Variants in SYT1 observed in about 807,000 individuals in gnomAD.
The protein encoded by SYT1 is synaptotagmin-1.
SYT1 carries 8 observed loss-of-function variants against 44.8 expected under a neutral mutation model. The ratio of observed to expected loss-of-function variants is 0.18; its 90% confidence interval spans 0.10 to 0.32. The LOEUF (loss-of-function observed/expected upper bound fraction) is 0.32. Among genes scored for constraint, SYT1 ranks in the 10% least tolerant of loss-of-function variants. The pLI is 1.00. For synonymous variants in SYT1, 154 were observed against 188.8 expected (o/e 0.82, Z 1.51); for missense variants, 286 against 509.3 (o/e 0.56, Z 4.22).
At chr12:79,112,756 C>T (rs1879083945) in intron 3 of SYT1, among the ~76,000 whole-genome samples, 1 of 151,924 alleles carries the variant, frequency 6.6e-6, no homozygotes, top group Non-Finnish European at 1.5e-5. Context: ...AAACAAAATG[C>T]TTATTTGGGT....
chr12:78,892,267 C>G (rs75320026), intron 1 of SYT1, among the ~76,000 whole-genome samples: 20 of 151,828 alleles, frequency 1.3e-4, no homozygotes, highest in Non-Finnish European at 2.9e-4. Flanking sequence ...AACATGAAAA[C>G]AACCTACCTA....
intron 4 of SYT1, among the ~76,000 whole-genome samples, chr12:79,283,409 T>TTAG (rs1879148174): frequency 6.6e-6 from 1 of 152,208 alleles, no homozygotes; most frequent in Admixed American, 6.5e-5. Flanking sequence ...TCCTAGCTCT[T>TTAG]TAACTCCCTT....
At chr12:78,911,874 T>C (rs9989048) in intron 1 of SYT1, among the ~76,000 whole-genome samples, 116,575 of 151,884 alleles carry the variant, frequency 0.77, 45,296 homozygotes, top group African/African-American at 0.87. Context: ...AGGCTCCCCA[T>C]TGGGACTACC....
chr12:79,046,606 A>G (rs1801791708), intron 2 of SYT1, among the ~76,000 whole-genome samples: 2 of 152,082 alleles, frequency 1.3e-5, no homozygotes, highest in South Asian at 4.1e-4. Flanking sequence ...CTGAAAGTTT[A>G]TCTTTTTTAT....
intron 1 of SYT1, among the ~76,000 whole-genome samples, chr12:78,885,324 G>GAAGGAAAGAAGT (rs1874677473): frequency 6.9e-6 from 1 of 144,366 alleles, no homozygotes; most frequent in Non-Finnish European, 1.5e-5. Flanking sequence ...AGGGAAGAAG[G>GAAGGAAAGAAGT]AAGGAGGGAA....
At chr12:79,313,030 A>C (rs1880887882) in intron 8 of SYT1, among the ~76,000 whole-genome samples, 2 of 152,270 alleles carry the variant, frequency 1.3e-5, no homozygotes, top group African/African-American at 2.4e-5. Context: ...TGAGGAAGAA[A>C]CTTAATTTTC....
chr12:79,165,433 A>G (rs1401952586), intron 3 of SYT1, among the ~76,000 whole-genome samples: 1 of 151,984 alleles, frequency 6.6e-6, no homozygotes, highest in Admixed American at 6.6e-5. Context: ...TGTTCACTAA[A>G]TGTATTCCAA....
chr12:78,885,315 G>GAGAAGAA (rs1874674339), intron 1 of SYT1, among the ~76,000 whole-genome samples: 1 of 140,154 alleles, frequency 7.1e-6, no homozygotes, highest in Non-Finnish European at 1.5e-5. Context: ...GAGAGAGGGA[G>GAGAAGAA]GGAAGAAGGA....
At chr12:79,290,809 A>T (rs1879545194) in intron 5 of SYT1, among the ~76,000 whole-genome samples, 1 of 152,228 alleles carries the variant, frequency 6.6e-6, no homozygotes, top group Admixed American at 6.5e-5. Context: ...ATCAATAAGA[A>T]AAAGGCAAAC....
intron 2 of SYT1, among the ~76,000 whole-genome samples, chr12:79,043,239 C>T (rs1228878400): frequency 6.7e-6 from 1 of 149,346 alleles, no homozygotes. Context: ...TAAAGTCTCC[C>T]ATTATTAATG....
intron 1 of SYT1, among the ~76,000 whole-genome samples, chr12:78,900,980 A>AT (rs1387787202): frequency 2.0e-5 from 3 of 152,110 alleles, no homozygotes; most frequent in African/African-American, 2.4e-5. Context: ...ACATGAATGC[A>AT]TTTTTCAGTT....
At chr12:79,022,835 A>G (rs959705388) in intron 2 of SYT1, among the ~76,000 whole-genome samples, 2 of 151,758 alleles carry the variant, frequency 1.3e-5, no homozygotes, top group African/African-American at 4.8e-5. Flanking sequence ...TTCTTTACTG[A>G]GTAAAATTGG....
At chr12:79,310,737 C>T (rs866885201) in intron 8 of SYT1, among the ~76,000 whole-genome samples, 63 of 152,042 alleles carry the variant, frequency 4.1e-4, no homozygotes, top group African/African-American at 1.2e-3. Flanking sequence ...TCACGTCCCT[C>T]GTAAGTTGGA....
chr12:79,447,119 A>G (rs565734502), intron 10 of SYT1, among the ~76,000 whole-genome samples: 82 of 152,170 alleles, frequency 5.4e-4, no homozygotes, highest in Non-Finnish European at 9.7e-4. Flanking sequence ...ACAGACAGAA[A>G]CTATGCCCAA....
At chr12:79,441,402 G>A (rs1297971507) in intron 9 of SYT1, among the ~76,000 whole-genome samples, 3 of 151,974 alleles carry the variant, frequency 2.0e-5, no homozygotes, top group Admixed American at 6.6e-5. Context: ...TGCAACCTCC[G>A]TCTCCCTGGT....
At chr12:79,043,999 G>A (rs1164136469) in intron 2 of SYT1, among the ~76,000 whole-genome samples, 1 of 152,210 alleles carries the variant, frequency 6.6e-6, no homozygotes, top group African/African-American at 2.4e-5. Context: ...GAGATCCGCT[G>A]TTAGTCTGAT....
chr12:79,059,415 C>A (rs565619474), intron 3 of SYT1, among the ~76,000 whole-genome samples: 65 of 152,020 alleles, frequency 4.3e-4, no homozygotes, highest in African/African-American at 1.5e-3. Flanking sequence ...AATTTTAATT[C>A]TTTTCAATAC....
chr12:79,338,942 G>T (rs1467131633), intron 8 of SYT1, among the ~76,000 whole-genome samples: 1 of 151,962 alleles, frequency 6.6e-6, no homozygotes, highest in East Asian at 1.9e-4. Context: ...CCTTGTGATA[G>T]TTTGCTCAGA....
chr12:79,399,592 C>G (rs1244297413), intron 9 of SYT1, among the ~76,000 whole-genome samples: 1 of 152,130 alleles, frequency 6.6e-6, no homozygotes. Context: ...GTCAAGTATA[C>G]TCATTTGATG....
Sources: allele counts gnomAD v4.1 joint callset (sites outside exome capture counted in the v4.1 genomes callset), GRCh38; gene constraint gnomAD v4.1.1; transcripts MANE v1.5; gene names NCBI Gene and HGNC (gene_info 2026-07-23, HGNC 2026-07-21).